The following LGR4 variants were observed in gnomAD, a reference collection of about 807,000 sequenced individuals.
LGR4 encodes leucine rich repeat containing G protein-coupled receptor 4.
In LGR4, 44 loss-of-function variants were observed where a neutral mutation model predicts 84.8. The ratio of observed to expected loss-of-function variants is 0.52; its 90% CI spans 0.41 to 0.67. LGR4 has a LOEUF of 0.67. LGR4 is among the 30% of genes least tolerant of loss of function. LGR4 has a pLI of 0.00. For synonymous variants in LGR4, 429 were observed against 434.3 expected (o/e 0.99, Z 0.15); for missense variants, 1,032 against 1,131.4 (o/e 0.91, Z 1.26).
chr11:27,406,368 ACAGGGG>A (rs751269835), intron 2 of LGR4, among the ~76,000 whole-genome samples: 2 of 152,090 alleles, frequency 1.3e-5, no homozygotes, highest in Non-Finnish European at 2.9e-5. Context: ...CTCCACATCT[ACAGGGG>A]CATAGGCAGA....
In LGR4 at chr11:27,367,759, C is replaced by T; in HGVS notation, c.*108G>A. On this transcript the variant is annotated 3_prime_UTR_variant, in exon 18 of 18. Coordinates refer to ENST00000379214, the MANE Select transcript of LGR4 (RefSeq NM_018490.5). Reference sequence around the variant, plus strand: ...TGCCACCTCTCCTTCTTCTAAGTGACACCAGGCAGTGATTACAGAAGTGCT... The same window carrying T: ...TGCCACCTCTCCTTCTTCTAAGTGATACCAGGCAGTGATTACAGAAGTGCT... 5.3e-6 allele frequency: 4 copies of T among 760,234 alleles called. No homozygotes were observed. The highest frequency in any genetic ancestry group is 8.5e-6 in the Non-Finnish European group (4 of 472,360). 47.1% of individuals were successfully genotyped at this position (760,234 alleles called of 1,614,324 possible). A position where few individuals can be genotyped will look rare whatever the true frequency, so the allele number is the denominator to read the frequency against.
At chr11:27,458,159 A>G (rs1363521622) in intron 1 of LGR4, among the ~76,000 whole-genome samples, 1 of 152,146 alleles carries the variant, frequency 6.6e-6, no homozygotes, top group African/African-American at 2.4e-5. Context: ...AGTGAGTATT[A>G]CATATTAATA....
chr11:27,460,741 G>C (rs1303565232), intron 1 of LGR4, among the ~76,000 whole-genome samples: 1 of 152,178 alleles, frequency 6.6e-6, no homozygotes, highest in Non-Finnish European at 1.5e-5. Flanking sequence ...TGTGTGTGAA[G>C]GGTAGGAATG....
Position 27,366,611 on chromosome 11 carries a change from T to C in LGR4, c.*1256A>G, listed in dbSNP as rs1032696594. The C allele has an allele frequency of 2.0e-5, 3 of 152,582 alleles. No individual in the cohort carries two copies. The highest frequency in any genetic ancestry group is 4.4e-5 in the Non-Finnish European group (3 of 67,972). The allele number at this position is 152,582 out of a possible 1,614,324, so 9.5% of individuals were successfully genotyped here. A position where few individuals can be genotyped will look rare whatever the true frequency, so the allele number is the denominator to read the frequency against. On this transcript the variant is annotated 3_prime_UTR_variant, in exon 18 of 18. Coordinates refer to ENST00000379214, the MANE Select transcript of LGR4 (RefSeq NM_018490.5). ...CTGTTCAAAAAACATATTGAACAAT[T>C]ATAACTTTAAGACTCCACCCAGTAA...
intron 6 of LGR4, among the ~76,000 whole-genome samples, chr11:27,382,613 T>C (rs1161286808): frequency 6.6e-6 from 1 of 152,202 alleles, no homozygotes; most frequent in Non-Finnish European, 1.5e-5. Context: ...CATTTGTAAA[T>C]GACAGCGTGA....
In LGR4 at chr11:27,472,258, C is replaced by A. The variant is rs759803871; in HGVS notation, c.45G>T (p.Leu15=). 83 of 1,308,138 alleles carry A rather than the reference C, an allele frequency of 6.3e-5. No homozygotes were observed. In the South Asian group the frequency reaches 1.6e-3, roughly 25 times the overall value. The allele number at this position is 1,308,138 out of a possible 1,614,324, so 81.0% of individuals were successfully genotyped here. ...LGLLCFLALG[L]LGSAGPSGAA... The stretch of plus-strand genomic sequence containing the variant: ...CGCCGCTGGGCCCGGCCGAGCCGAG[C>A]AGCCCCAGGGCGAGGAAGCAGAGCA... The change falls in exon 1 of 18, where the codon CTG becomes CTT. Residue 15 remains leucine, a synonymous_variant. Transcript: ENST00000379214.
At chr11:27,440,685 C>G (rs1473798196) in intron 1 of LGR4, among the ~76,000 whole-genome samples, 1 of 152,136 alleles carries the variant, frequency 6.6e-6, no homozygotes, top group African/African-American at 2.4e-5. Context: ...TTATTTTTCA[C>G]TAAGAAGTAT....
chr11:27,426,763 C>T (rs575237974), intron 1 of LGR4, among the ~76,000 whole-genome samples: 6 of 152,256 alleles, frequency 3.9e-5, no homozygotes, highest in African/African-American at 1.4e-4. Context: ...GGAACTGAGA[C>T]CCAGAGGGGT....
At chr11:27,465,924 T>G (rs1182312886) in intron 1 of LGR4, among the ~76,000 whole-genome samples, 1 of 152,148 alleles carries the variant, frequency 6.6e-6, no homozygotes, top group African/African-American at 2.4e-5. Context: ...CAATCAAGCT[T>G]TTAAAAAACC....
chr11:27,402,500 G>T (rs1863522866), intron 2 of LGR4, among the ~76,000 whole-genome samples: 1 of 152,142 alleles, frequency 6.6e-6, no homozygotes, highest in African/African-American at 2.4e-5. Flanking sequence ...TGTCATGTAA[G>T]ATAATATACT....
chr11:27,400,417 A>C (rs933498966), intron 2 of LGR4, among the ~76,000 whole-genome samples: 1 of 152,136 alleles, frequency 6.6e-6, no homozygotes, highest in African/African-American at 2.4e-5. Flanking sequence ...ACAGCACCTA[A>C]ATAATGTAAA....
At chr11:27,374,141 T>C in intron 13 of LGR4, 95 bp from the exon 14 acceptor site, 1 of 785,616 alleles carries the variant, frequency 1.3e-6, no homozygotes, top group Middle Eastern at 2.4e-4. Flanking sequence ...AGTAACACAA[T>C]ATCGCTGATA....
chr11:27,440,227 G>A (rs1479507130), intron 1 of LGR4, among the ~76,000 whole-genome samples: 1 of 152,056 alleles, frequency 6.6e-6, no homozygotes, highest in Non-Finnish European at 1.5e-5. Context: ...TTTCTACAAT[G>A]CATCTTGACC....
chr11:27,388,210 T>C (rs1863220651), intron 4 of LGR4, among the ~76,000 whole-genome samples: 1 of 152,166 alleles, frequency 6.6e-6, no homozygotes, highest in African/African-American at 2.4e-5. Context: ...TGGTTAATCC[T>C]TATCTCTCAA....
intron 12 of LGR4, 56 bp downstream of exon 12, chr11:27,377,102 G>T (rs751909466): frequency 4.0e-6 from 4 of 1,005,020 alleles, no homozygotes; most frequent in Non-Finnish European, 6.0e-6. Flanking sequence ...AATACGAAAT[G>T]CTCAACAAAC....
intron 1 of LGR4, among the ~76,000 whole-genome samples, chr11:27,413,695 C>A (rs1007118352): frequency 3.3e-5 from 5 of 152,090 alleles, no homozygotes; most frequent in African/African-American, 1.2e-4. Flanking sequence ...TGTGGCTGAG[C>A]CCTTGGGTCT....
At chr11:27,397,178 C>T (rs971337526) in intron 2 of LGR4, among the ~76,000 whole-genome samples, 2 of 152,148 alleles carry the variant, frequency 1.3e-5, no homozygotes, top group Non-Finnish European at 2.9e-5. Flanking sequence ...TGGCTCACAC[C>T]ATCTCCTTCA....
intron 9 of LGR4, 78 bp from the exon 10 acceptor site, chr11:27,380,417 G>C: frequency 9.8e-7 from 1 of 1,024,868 alleles, no homozygotes; most frequent in Non-Finnish European, 1.5e-6. Flanking sequence ...TAAAATTACA[G>C]TGCAACTATA....
chr11:27,441,565 G>C (rs1864304165), intron 1 of LGR4, among the ~76,000 whole-genome samples: 1 of 152,198 alleles, frequency 6.6e-6, no homozygotes, highest in Admixed American at 6.5e-5. Flanking sequence ...ATGAATGATA[G>C]AGAGAAAGTA....
Sources: gnomAD v4.1 joint callset for allele counts (sites outside exome capture counted in the v4.1 genomes callset) on GRCh38, gnomAD v4.1.1 for gene constraint, MANE v1.5 for transcripts, NCBI Gene and HGNC (gene_info 2026-07-23, HGNC 2026-07-21) for gene names.